Variants in MEI4 observed in about 807,000 individuals in gnomAD.
MEI4 encodes meiosis-specific protein MEI4.
A neutral mutation model predicts 31.4 loss-of-function variants in MEI4; 27 were observed. The observed-to-expected ratio is 0.86, with a 90% CI of 0.63 to 1.19. The LOEUF is 1.19. MEI4 is among the 50% of genes most tolerant of loss of function. The pLI is 0.00. For synonymous variants in MEI4, 122 were observed against 145.4 expected (o/e 0.84, Z 1.16); for missense variants, 329 against 398.9 (o/e 0.82, Z 1.49).
At chr6:77,855,631 A>T (rs182774395) in intron 4 of MEI4, among the ~76,000 whole-genome samples, 160 of 152,334 alleles carry the variant, frequency 1.1e-3, no homozygotes, top group Non-Finnish European at 1.7e-3. Context: ...GATTCCAGAA[A>T]AGTCTAACCC....
chr6:77,750,513 G>A (rs1767740922), intron 2 of MEI4, among the ~76,000 whole-genome samples: 1 of 152,114 alleles, frequency 6.6e-6, no homozygotes, highest in South Asian at 2.1e-4. Context: ...AAGATCAAAA[G>A]AGACAAAGAA....
chr6:77,735,945 CG>C lies in MEI4; in HGVS notation c.233-25180del, dbSNP rs1386720794. Among the ~76,000 whole-genome samples, 19 of 148,170 alleles carry C rather than the reference CG, an allele frequency of 1.3e-4. 1 individual carries two copies. Among genetic ancestry groups the C allele is most frequent in the African/African-American group, 4.4e-4 (18 of 40,652 alleles). ...GGGGATGCCTCCCAGTTAGGCTGCT[CG>C]GGGGTCAGGGGTCAGGGACCCACTT... On this transcript the variant is annotated intron_variant, in intron 2 of 4. Coordinates refer to ENST00000684080, the MANE Select transcript of MEI4 (RefSeq NM_001322247.2).
At chr6:77,835,988 A>G (rs1464265187) in intron 4 of MEI4, among the ~76,000 whole-genome samples, 1 of 152,138 alleles carries the variant, frequency 6.6e-6, no homozygotes, top group African/African-American at 2.4e-5. Context: ...TAAATACAAA[A>G]CAAATTATAA....
intron 4 of MEI4, among the ~76,000 whole-genome samples, chr6:77,871,164 T>C (rs1318112530): frequency 2.0e-5 from 3 of 152,150 alleles, no homozygotes; most frequent in Admixed American, 2.0e-4. Flanking sequence ...GCAGTCCATC[T>C]TTTTTATAAA....
At chr6:77,866,377 CA>C (rs1771028635) in intron 4 of MEI4, among the ~76,000 whole-genome samples, 1 of 152,172 alleles carries the variant, frequency 6.6e-6, no homozygotes, top group Admixed American at 6.5e-5. Flanking sequence ...GCAACTTCAG[CA>C]AAGTCTCAGG....
chr6:77,767,048 G>T (rs1255969116), intron 3 of MEI4, among the ~76,000 whole-genome samples: 1 of 152,014 alleles, frequency 6.6e-6, no homozygotes, highest in Non-Finnish European at 1.5e-5. Context: ...GAAGTCTAAG[G>T]TTAAGGGTCA....
At chr6:77,875,158 A>G (rs550356859) in intron 4 of MEI4, among the ~76,000 whole-genome samples, 4 of 152,190 alleles carry the variant, frequency 2.6e-5, no homozygotes, top group Admixed American at 6.5e-5. Context: ...CATCATGGAT[A>G]TGTCTCCATC....
chr6:77,835,295 G>T (rs1770186805), intron 4 of MEI4, among the ~76,000 whole-genome samples: 1 of 149,656 alleles, frequency 6.7e-6, no homozygotes, highest in Non-Finnish European at 1.5e-5. Flanking sequence ...AGGTGGAGGA[G>T]GTTGTTGTGA....
Position 77,820,465 on chromosome 6 carries a change from C to T in MEI4, c.769-8466C>T, listed in dbSNP as rs542495702. On this transcript the variant is annotated intron_variant, in intron 3 of 4. Coordinates refer to ENST00000684080, the MANE Select transcript of MEI4 (RefSeq NM_001322247.2). This position sits in a 1 kb window ranked among gnomAD's most constrained non-coding sequence, Gnocchi z 4.5. ...TATTTTAGTAGAGACAGGGTTTCACCGTGTTGCCCAGGCTGGTCTGGAACC... is the reference window on the plus strand; with the variant it reads ...TATTTTAGTAGAGACAGGGTTTCACTGTGTTGCCCAGGCTGGTCTGGAACC... Among the ~76,000 whole-genome samples the T allele has an allele frequency of 2.6e-5, 4 of 151,980 alleles. No homozygotes were observed. Among genetic ancestry groups the T allele is most frequent in the African/African-American group, 4.8e-5 (2 of 41,368 alleles).
At chr6:77,747,658 A>C (rs760681723) in intron 2 of MEI4, among the ~76,000 whole-genome samples, 1 of 152,100 alleles carries the variant, frequency 6.6e-6, no homozygotes, top group Non-Finnish European at 1.5e-5. Context: ...CACAGAGCCA[A>C]ACCATATTAT....
chr6:77,816,045 T>G (rs911043160), intron 3 of MEI4, among the ~76,000 whole-genome samples: 3 of 152,088 alleles, frequency 2.0e-5, no homozygotes, highest in Non-Finnish European at 4.4e-5. Flanking sequence ...CATGCATCCA[T>G]GAAAAGGTAT....
intron 3 of MEI4, among the ~76,000 whole-genome samples, chr6:77,795,016 A>G: frequency 6.6e-6 from 1 of 152,178 alleles, no homozygotes; most frequent in East Asian, 1.9e-4. Context: ...GCAAAAATAT[A>G]TTAAGATGAA....
At chr6:77,849,261 GA>G (rs1323544052) in intron 4 of MEI4, among the ~76,000 whole-genome samples, 1 of 152,096 alleles carries the variant, frequency 6.6e-6, no homozygotes, top group Non-Finnish European at 1.5e-5. Context: ...AGAACAAGTT[GA>G]AAACATTTAA....
chr6:77,841,733 T>A (rs1416620888), intron 4 of MEI4, among the ~76,000 whole-genome samples: 5 of 152,044 alleles, frequency 3.3e-5, no homozygotes, highest in Non-Finnish European at 7.4e-5. Context: ...TTTTAATAAT[T>A]TAAAATAATG....
chr6:77,837,057 C>T (rs527850414), intron 4 of MEI4, among the ~76,000 whole-genome samples: 1 of 152,056 alleles, frequency 6.6e-6, no homozygotes, highest in Non-Finnish European at 1.5e-5. Context: ...CCCAAAATAC[C>T]CTATTGGCCT....
chr6:77,700,453 A>G (rs1442294028), intron 2 of MEI4, among the ~76,000 whole-genome samples: 1 of 152,174 alleles, frequency 6.6e-6, no homozygotes, highest in Non-Finnish European at 1.5e-5. Flanking sequence ...AAAGCGCAGT[A>G]TTTGGATGGG....
At chr6:77,743,744 A>G (rs1223351450) in intron 2 of MEI4, among the ~76,000 whole-genome samples, 3 of 152,160 alleles carry the variant, frequency 2.0e-5, no homozygotes, top group Non-Finnish European at 4.4e-5. Flanking sequence ...GACACCTCAC[A>G]TGGCCAGGTA....
At chr6:77,879,982 G>GA (rs1481908384) in intron 4 of MEI4, among the ~76,000 whole-genome samples, 3 of 152,146 alleles carry the variant, frequency 2.0e-5, no homozygotes, top group Non-Finnish European at 4.4e-5. Flanking sequence ...CTGTGCTTTA[G>GA]AATGAGATAG....
chr6:77,916,549 G>C (rs372566540), intron 4 of MEI4, among the ~76,000 whole-genome samples: 37 of 152,104 alleles, frequency 2.4e-4, no homozygotes, highest in Middle Eastern at 6.8e-3. Context: ...AGCAGTATTA[G>C]TATTGTTTCT....
Sources: allele counts gnomAD v4.1 joint callset (sites outside exome capture counted in the v4.1 genomes callset), GRCh38; gene constraint gnomAD v4.1.1; non-coding constraint Gnocchi (gnomAD v3.1); transcripts MANE v1.5; gene names NCBI Gene and HGNC (gene_info 2026-07-23, HGNC 2026-07-21).